Variants in COQ8B observed in about 807,000 individuals in gnomAD.
COQ8B encodes the protein coenzyme Q8B.
Under a neutral mutation model 62.0 loss-of-function variants are expected in COQ8B, and 44 were observed. That is an observed-to-expected ratio of 0.71 (90% CI 0.56 to 0.91). The LOEUF (loss-of-function observed/expected upper bound fraction) is 0.91. Ranked by LOEUF, COQ8B falls within the 40% of genes least tolerant of loss-of-function variation. COQ8B has a pLI of 0.00. For missense variants in COQ8B, 649 were observed against 731.6 expected, an observed-to-expected ratio of 0.89 and a Z score of 1.30; for synonymous variants, 252 against 289.9, an observed-to-expected ratio of 0.87 and a Z score of 1.33.
At chr19:40,715,196 C>T in intron 1 of COQ8B, 1 of 984,890 alleles carries the variant, frequency 1.0e-6, no homozygotes, top group African/African-American at 1.7e-5. Context: ...CATCTGTGCG[C>T]GGGGGAAGGG....
In COQ8B at chr19:40,714,652, G is replaced by T; in HGVS notation, c.-3-17C>A. On this transcript the variant is annotated splice_polypyrimidine_tract_variant and intron_variant, in intron 1 of 14. Transcript: ENST00000324464. ...CCACATTGCCTGGAGGAGAAGAGGA[G>T]GGATTATTCAGGTGGGAGTTGCCTG... The T allele has an allele frequency of 6.3e-7, 1 of 1,574,996 alleles. No homozygotes were observed. The highest frequency in any genetic ancestry group is 8.6e-7 in the Non-Finnish European group (1 of 1,162,702).
At chr19:40,699,624 T>C (rs1377731144) in intron 12 of COQ8B, among the ~76,000 whole-genome samples, 1 of 152,194 alleles carries the variant, frequency 6.6e-6, no homozygotes, top group African/African-American at 2.4e-5. Context: ...CCAAAAGCTG[T>C]ACTTCCCCTC....
Position 40,691,724 on chromosome 19 carries a change from CCT to C in COQ8B, c.*309_*310del, listed in dbSNP as rs952879794. ...GCTTGAGGCAGAGGTGAGGGCTCCC[CCT>C]GATGAGTCTGATCTGCATAACGACA... On this transcript the variant is annotated 3_prime_UTR_variant, in exon 15 of 15. Coordinates refer to ENST00000324464, the MANE Select transcript of COQ8B (RefSeq NM_024876.4). 2.0e-5 allele frequency: 5 copies of C among 247,200 alleles called. No homozygotes were observed. Among genetic ancestry groups the C allele is most frequent in the Admixed American group, 5.5e-5 (1 of 18,320 alleles). 15.3% of individuals were successfully genotyped at this position (247,200 alleles called of 1,614,324 possible).
At chr19:40,713,720 GAA>G (rs747066002) in intron 4 of COQ8B, among the ~76,000 whole-genome samples, 3 of 116,398 alleles carry the variant, frequency 2.6e-5, no homozygotes, top group African/African-American at 3.5e-5. Flanking sequence ...TGTCTCAAAG[GAA>G]AAAAAAAAAA....
chr19:40,695,326 A>AAAAAGAAAAGAAAAG lies in COQ8B; in HGVS notation c.1209+662_1209+663insCTTTTCTTTTCTTTT, dbSNP rs1555755674. ...GAGCAAGACTCTGTCTCAATTAAAA[A>AAAAAGAAAAGAAAAG]AAAAAAAAAGAAAAGAAAAAAAAGG... On this transcript the variant is annotated intron_variant, in intron 13 of 14. Transcript: ENST00000324464. 5.4e-3 allele frequency among the ~76,000 whole-genome samples: 771 copies of AAAAAGAAAAGAAAAG among 141,926 alleles called. 8 individuals are homozygous for AAAAAGAAAAGAAAAG. The highest frequency in any genetic ancestry group is 0.018 in the African/African-American group (692 of 37,784). The allele number at this position is 141,926 out of a possible 152,430, so 93.1% of individuals were successfully genotyped here.
At chr19:40,704,147 CCT>C in intron 7 of COQ8B, 13 of 268,888 alleles carry the variant, frequency 4.8e-5, no homozygotes, top group Non-Finnish European at 7.0e-5. Flanking sequence ...TCATAACAAT[CCT>C]TTTTTTTTTT....
At chr19:40,707,042 C>A (rs1454105058) in intron 5 of COQ8B, among the ~76,000 whole-genome samples, 1 of 152,010 alleles carries the variant, frequency 6.6e-6, no homozygotes, top group East Asian at 1.9e-4. Flanking sequence ...GACGTCGGGG[C>A]GGGATCACTT....
intron 9 of COQ8B, 89 bp from the exon 10 acceptor site, chr19:40,702,782 G>T (rs28703815): frequency 4.9e-6 from 6 of 1,232,938 alleles, no homozygotes; most frequent in Admixed American, 3.7e-5. Context: ...CCTGTCTCCC[G>T]CGCTGTCCCT....
intron 5 of COQ8B, among the ~76,000 whole-genome samples, chr19:40,705,973 A>AT (rs1459921733): frequency 1.3e-5 from 2 of 152,064 alleles, no homozygotes; most frequent in Non-Finnish European, 2.9e-5. Flanking sequence ...AAAAATAAAC[A>AT]TAAGTTAAAA....
At position 40,700,317 on chromosome 19, in the gene COQ8B, C is replaced by T. The variant is rs755104992; in HGVS notation, c.1028G>A (p.Arg343Gln). 50 of 1,613,538 alleles carry T rather than the reference C, an allele frequency of 3.1e-5. No homozygotes were observed. The highest frequency in any genetic ancestry group is 1.6e-4 in the Middle Eastern group (1 of 6,080). The change falls in exon 11 of 15, where the codon CGG becomes CAG. Residue 343 changes from arginine to glutamine, a missense_variant. Transcript: ENST00000324464. ...DQCQGLSQDL[R>Q]NQICFQLLTL... Reference sequence around the variant, plus strand: ...TGCCACCAGACAGCATACCTGGTTCCGCAGGTCCTGGCTTAGGCCCTGGCA... The same window carrying T: ...TGCCACCAGACAGCATACCTGGTTCTGCAGGTCCTGGCTTAGGCCCTGGCA...
intron 5 of COQ8B, among the ~76,000 whole-genome samples, chr19:40,706,225 G>A (rs1195876898): frequency 6.6e-6 from 1 of 152,172 alleles, no homozygotes; most frequent in Non-Finnish European, 1.5e-5. Flanking sequence ...CATGAGAAGG[G>A]CAACGATTCT....
intron 7 of COQ8B, chr19:40,704,148 CTTT>C (rs1188224323): frequency 7.5e-3 from 1,219 of 162,618 alleles, no homozygotes; most frequent in South Asian, 0.024. Context: ...CATAACAATC[CTTT>C]TTTTTTTTTT....
chr19:40,713,630 T>C (rs1367895146), intron 4 of COQ8B, among the ~76,000 whole-genome samples: 3 of 147,508 alleles, frequency 2.0e-5, no homozygotes, highest in Admixed American at 1.3e-4. Flanking sequence ...GCAGGAGAAT[T>C]GCTTGAATGT....
In COQ8B at chr19:40,700,484, C is replaced by T. The variant is rs746223697; in HGVS notation, c.894-33G>A. The T allele has an allele frequency of 8.1e-6, 13 of 1,603,844 alleles. No homozygotes were observed. The South Asian group carries it at 1.0e-4, about 12-fold the overall frequency. ...AGAAGGAAAGGGAGGAAGGGGACTT[C>T]GTGCTTCAGGCTTGTGACCCAGCTT... On this transcript the variant is annotated intron_variant, in intron 10 of 14. Transcript: ENST00000324464.
intron 10 of COQ8B, chr19:40,700,775 G>A: frequency 3.3e-6 from 1 of 300,174 alleles, no homozygotes; most frequent in Non-Finnish European, 6.3e-6. Context: ...TTCAGCCTTT[G>A]CATTACTTTT....
intron 1 of COQ8B, chr19:40,715,587 C>T: frequency 1.0e-6 from 1 of 985,598 alleles, no homozygotes; most frequent in South Asian, 4.7e-5. Context: ...AATCCCTTGC[C>T]TTGCTTGCCA....
chr19:40,714,253 G>A (rs1412631313), intron 3 of COQ8B, 25 bp downstream of exon 3: 1 of 1,607,572 alleles, frequency 6.2e-7, no homozygotes, highest in Non-Finnish European at 8.5e-7. Flanking sequence ...GTGGGGTGTT[G>A]CTGGGTGGGT....
intron 9 of COQ8B, among the ~76,000 whole-genome samples, chr19:40,703,114 G>A (rs374338892): frequency 4.6e-5 from 7 of 152,048 alleles, no homozygotes; most frequent in African/African-American, 1.4e-4. Flanking sequence ...TGACTCTCAC[G>A]TTGCTCACTG....
At chr19:40,697,847 T>TAGAGAGAG (rs1349238558) in intron 12 of COQ8B, among the ~76,000 whole-genome samples, 62 of 56,880 alleles carry the variant, frequency 1.1e-3, no homozygotes, top group South Asian at 3.1e-3. Context: ...TATATATATA[T>TAGAGAGAG]ATATAGAGAG....
Sources: gnomAD v4.1 joint callset for allele counts (sites outside exome capture counted in the v4.1 genomes callset) on GRCh38, gnomAD v4.1.1 for gene constraint, MANE v1.5 for transcripts, NCBI Gene and HGNC (gene_info 2026-07-23, HGNC 2026-07-21) for gene names.